Variants in P2RY8 observed in about 807,000 individuals in gnomAD.
P2RY8 encodes S-geranylgeranyl-glutathione receptor P2RY8.
A neutral mutation model predicts 10.0 loss-of-function variants in P2RY8; 6 were observed. The observed-to-expected ratio is 0.60, with a 90% CI of 0.33 to 1.19. P2RY8 has a LOEUF of 1.19. Among genes scored for constraint, P2RY8 ranks in the 50% most tolerant of loss-of-function variants. P2RY8 has a pLI of 0.04. For synonymous variants in P2RY8, 276 were observed against 252.5 expected (o/e 1.09, Z -0.88); for missense variants, 456 against 542.0 (o/e 0.84, Z 1.58).
intron 1 of P2RY8, among the ~76,000 whole-genome samples, chrX:1,473,439 G>T (rs1329297526): frequency 2.0e-5 from 3 of 149,234 alleles, no homozygotes; most frequent in Admixed American, 1.3e-4. Flanking sequence ...GTGGGTGGAT[G>T]AATGGATGAG....
At chrX:1,486,531 A>G (rs1278935672) in intron 1 of P2RY8, among the ~76,000 whole-genome samples, 9 of 152,170 alleles carry the variant, frequency 5.9e-5, no homozygotes, top group Admixed American at 5.9e-4. Context: ...CCATATAGAG[A>G]GAAAGCAGAT....
chrX:1,480,029 G>A (rs1360016690), intron 1 of P2RY8, among the ~76,000 whole-genome samples: 19 of 152,182 alleles, frequency 1.2e-4, no homozygotes, highest in Middle Eastern at 3.4e-3. Context: ...GGCCCAGATG[G>A]GTTTACTGAT....
intron 1 of P2RY8, among the ~76,000 whole-genome samples, chrX:1,532,331 T>TAC (rs201615438): frequency 1.3e-5 from 2 of 150,326 alleles, no homozygotes; most frequent in African/African-American, 4.9e-5. Flanking sequence ...CACGTATATA[T>TAC]ACACATATAT....
intron 1 of P2RY8, among the ~76,000 whole-genome samples, chrX:1,494,913 T>C (rs2092101884): frequency 6.6e-6 from 1 of 151,408 alleles, no homozygotes; most frequent in Admixed American, 6.6e-5. Context: ...AGACAGGGTT[T>C]CATCATGTTG....
chrX:1,497,774 G>A (rs1339111870), intron 1 of P2RY8, among the ~76,000 whole-genome samples: 2 of 152,154 alleles, frequency 1.3e-5, no homozygotes, highest in Non-Finnish European at 2.9e-5. Context: ...TAGCATCCAG[G>A]CTGGTGAGAG....
At chrX:1,485,640 T>C (rs1480050045) in intron 1 of P2RY8, among the ~76,000 whole-genome samples, 10 of 148,038 alleles carry the variant, frequency 6.8e-5, no homozygotes, top group Non-Finnish European at 1.2e-4. Context: ...ATATTACATA[T>C]ATTATTTATA....
chrX:1,529,077 T>G (rs2092457529), intron 1 of P2RY8, among the ~76,000 whole-genome samples: 1 of 152,170 alleles, frequency 6.6e-6, no homozygotes, highest in African/African-American at 2.4e-5. Context: ...CAGATAAGCA[T>G]GTTTGATGAG....
chrX:1,482,716 C>G (rs1434372115), intron 1 of P2RY8, among the ~76,000 whole-genome samples: 2 of 152,066 alleles, frequency 1.3e-5, no homozygotes, highest in African/African-American at 4.8e-5. Context: ...TTCCCAGCAC[C>G]ATTTATGAAA....
At position 1,466,476 on chromosome X, in the gene P2RY8, A is replaced by G; in HGVS notation, c.83T>C (p.Val28Ala). 1 of 1,611,594 alleles carries G rather than the reference A, an allele frequency of 6.2e-7. No homozygotes were observed. Among genetic ancestry groups the G allele is most frequent in the Non-Finnish European group, 8.5e-7 (1 of 1,179,718 alleles). ...RNPAIAVALP[V>A]VYSLVAAVSI... ...GACCGCCGCCACCAGCGAGTACACCACGGGCAGGGCCACCGCGATCGCCGG... is the reference window on the plus strand; with the variant it reads ...GACCGCCGCCACCAGCGAGTACACCGCGGGCAGGGCCACCGCGATCGCCGG... Residue 28 changes from valine to alanine, a missense_variant, in exon 2 of 2, where the codon GTG becomes GCG. Transcript: ENST00000381297.
intron 1 of P2RY8, among the ~76,000 whole-genome samples, chrX:1,478,462 G>A (rs1182557766): frequency 1.3e-5 from 2 of 151,766 alleles, no homozygotes; most frequent in Non-Finnish European, 2.9e-5. Context: ...AGCTGAAGTG[G>A]CACAGGTATC....
intron 1 of P2RY8, among the ~76,000 whole-genome samples, chrX:1,521,538 C>T (rs1193838378): frequency 2.0e-5 from 3 of 152,138 alleles, no homozygotes; most frequent in Admixed American, 6.5e-5. Flanking sequence ...CCACTGTCAC[C>T]CTGGCATCAG....
rs751893002 is a variant in P2RY8, at chrX:1,469,192, C to T, written c.-24-2610G>A. Among the ~76,000 whole-genome samples, 8 of 140,546 alleles carry T rather than the reference C, an allele frequency of 5.7e-5. No homozygotes were observed. In the East Asian group the frequency reaches 6.3e-4, roughly 11 times the overall value. The allele number at this position is 140,546 out of a possible 152,430, so 92.2% of individuals were successfully genotyped here. ...TCTCCCCTCTCCCCTCTTTTCTTTT[C>T]GCAGTCTGTCATCCAGGCTGGAATG... On this transcript the variant is annotated intron_variant, in intron 1 of 1. Coordinates refer to ENST00000381297, the MANE Select transcript of P2RY8 (RefSeq NM_178129.5).
intron 1 of P2RY8, among the ~76,000 whole-genome samples, chrX:1,523,226 G>A (rs2092406062): frequency 6.6e-6 from 1 of 151,942 alleles, no homozygotes; most frequent in South Asian, 2.1e-4. Context: ...GCCCCAGCCA[G>A]GTGAGGGTGT....
chrX:1,499,057 A>T (rs1303013691), intron 1 of P2RY8, among the ~76,000 whole-genome samples: 1 of 145,950 alleles, frequency 6.9e-6, no homozygotes, highest in Non-Finnish European at 1.5e-5. Flanking sequence ...CTGATCTTGA[A>T]CTCCTTATCT....
intron 1 of P2RY8, among the ~76,000 whole-genome samples, chrX:1,534,089 CAT>C (rs1217627402): frequency 1.6e-5 from 2 of 125,458 alleles, no homozygotes; most frequent in African/African-American, 6.2e-5. Context: ...AATATATTTA[CAT>C]ATATATTTAT....
intron 1 of P2RY8, among the ~76,000 whole-genome samples, chrX:1,509,389 T>TA (rs2092274137): frequency 1.9e-5 from 2 of 107,434 alleles, no homozygotes; most frequent in Non-Finnish European, 2.5e-5. Flanking sequence ...TCTATCTATC[T>TA]ATCTATCTAT....
At chrX:1,501,596 A>T (rs1259623075) in intron 1 of P2RY8, among the ~76,000 whole-genome samples, 2 of 151,456 alleles carry the variant, frequency 1.3e-5, no homozygotes, top group Non-Finnish European at 2.9e-5. Flanking sequence ...TTTATTTTTT[A>T]TTATTATTAT....
Position 1,465,381 on chromosome X carries a change from C to A in P2RY8, c.*98G>T. 1.3e-6 allele frequency: 2 copies of A among 1,498,886 alleles called. No homozygotes were observed. The highest frequency in any genetic ancestry group is 1.3e-5 in the South Asian group (1 of 75,140). The allele number at this position is 1,498,886 out of a possible 1,614,324, so 92.8% of individuals were successfully genotyped here. On this transcript the variant is annotated 3_prime_UTR_variant, in exon 2 of 2. Transcript: ENST00000381297. ...GGGCCTCTGCAGTGCCTGGGAGCAA[C>A]GCAGCTGTTCTCCCTGAACCTCTGG...
At chrX:1,500,039 TAGTA>T (rs2092161225) in intron 1 of P2RY8, among the ~76,000 whole-genome samples, 1 of 120,680 alleles carries the variant, frequency 8.3e-6, no homozygotes, top group African/African-American at 2.5e-5. Flanking sequence ...TTTGTATTTT[TAGTA>T]GAGACGGGGT....
Sources: gnomAD v4.1 joint callset for allele counts (sites outside exome capture counted in the v4.1 genomes callset) on GRCh38, gnomAD v4.1.1 for gene constraint, MANE v1.5 for transcripts, NCBI Gene and HGNC (gene_info 2026-07-23, HGNC 2026-07-21) for gene names.